The following AP1S1 variants were observed in gnomAD, a reference collection of about 807,000 sequenced individuals.
AP1S1 encodes the protein AP-1 complex subunit sigma-1A.
A neutral mutation model predicts 23.9 loss-of-function variants in AP1S1; 13 were observed. That is an observed-to-expected ratio of 0.54 (90% CI 0.35 to 0.86). AP1S1 has a LOEUF of 0.86. Ranked by LOEUF, AP1S1 falls within the 40% of genes least tolerant of loss-of-function variation. The probability of loss-of-function intolerance (pLI) is 0.01; values close to 1 mark genes in which losing one functional copy is unlikely to be tolerated. For missense variants in AP1S1, 119 were observed against 197.6 expected (o/e 0.60, Z 2.38); for synonymous variants, 84 against 77.7 (o/e 1.08, Z -0.43).
At chr7:101,157,181 G>GA (rs1797005938) in intron 2 of AP1S1, among the ~76,000 whole-genome samples, 196 bp from the exon 3 acceptor site, 2 of 152,152 alleles carry the variant, frequency 1.3e-5, no homozygotes, top group Admixed American at 6.5e-5. Flanking sequence ...GGGCAGGAAG[G>GA]AAAAAGCATG....
At chr7:101,158,932 A>G in intron 3 of AP1S1, 127 bp from the exon 4 acceptor site, 1 of 1,293,222 alleles carries the variant, frequency 7.7e-7, no homozygotes, top group Non-Finnish European at 1.0e-6. Flanking sequence ...AAAAAAACTG[A>G]AAAAGCTGAC....
intron 1 of AP1S1, among the ~76,000 whole-genome samples, chr7:101,156,119 C>T (rs919270613): frequency 1.3e-5 from 2 of 152,142 alleles, no homozygotes; most frequent in African/African-American, 4.8e-5. Flanking sequence ...GTAATCCCAG[C>T]TACTCAGGAG....
Position 101,156,690 on chromosome 7 carries a change from G to A in AP1S1, c.100G>A (p.Glu34Lys), listed in dbSNP as rs1421263277. Reference sequence around the variant, plus strand: ...CAAGGAACGGAAGAAGATGGTGCGCGAGCTCATGCAGGTTGTCCTGGCTCG... The same window carrying A: ...CAAGGAACGGAAGAAGATGGTGCGCAAGCTCATGCAGGTTGTCCTGGCTCG... ...SDKERKKMVR[E>K]LMQVVLARKP... Residue 34 changes from glutamate to lysine, a missense_variant, in exon 2 of 5, where the codon GAG becomes AAG. Transcript: ENST00000337619. 3 of 1,610,032 alleles carry A rather than the reference G, an allele frequency of 1.9e-6. No homozygotes were observed. Among genetic ancestry groups the A allele is most frequent in the East Asian group, 2.2e-5 (1 of 44,758 alleles).
chr7:101,160,010 G>A lies in AP1S1; in HGVS notation c.430-509G>A, dbSNP rs186127993. On this transcript the variant is annotated intron_variant, in intron 4 of 4. Coordinates refer to ENST00000337619, the MANE Select transcript of AP1S1 (RefSeq NM_001283.5). ...CGCACACACACACACACACACACAT[G>A]CCCTGGCACACACACCCATCGTGTC... Among the ~76,000 whole-genome samples the A allele has an allele frequency of 1.2e-4, 17 of 143,996 alleles. No individual in the cohort carries two copies. In the East Asian group the frequency reaches 3.6e-3, roughly 31 times the overall value. The allele number at this position is 143,996 out of a possible 152,430, so 94.5% of individuals were successfully genotyped here.
At position 101,157,445 on chromosome 7, in the gene AP1S1, TC is replaced by T; in HGVS notation, c.253del (p.His85ThrfsTer7). Reference protein sequence around the residue: ...QDNELITLELIHRYVELLDKY... With the variant: ...QDNELITLELXHRYVELLDKY... ...AATGAGCTCATCACACTGGAGCTGATCCACCGATACGTGGAGCTCTTAGACA... is the reference window on the plus strand; with the variant it reads ...AATGAGCTCATCACACTGGAGCTGATCACCGATACGTGGAGCTCTTAGACA... On this transcript the variant is annotated frameshift_variant, in exon 3 of 5. Transcript: ENST00000337619. LOFTEE classifies it high-confidence loss of function. 1 of 1,576,892 alleles carries T rather than the reference TC, an allele frequency of 6.3e-7. No homozygotes were observed.
intron 4 of AP1S1, among the ~76,000 whole-genome samples, chr7:101,160,189 ACCT>A (rs1386118873): frequency 1.3e-5 from 2 of 149,582 alleles, no homozygotes; most frequent in Non-Finnish European, 3.0e-5. Flanking sequence ...AAGATCCCCC[ACCT>A]CCTTGTCCCG....
At position 101,154,523 on chromosome 7, in the gene AP1S1, C is replaced by G; in HGVS notation, c.3+6C>G. 1.9e-6 allele frequency: 3 copies of G among 1,569,222 alleles called. No individual in the cohort carries two copies. The highest frequency in any genetic ancestry group is 1.2e-5 in the South Asian group (1 of 85,302). On this transcript the variant is annotated splice_donor_region_variant and intron_variant, in intron 1 of 4. Coordinates refer to ENST00000337619, the MANE Select transcript of AP1S1 (RefSeq NM_001283.5). ...GAGCCGGAGGCTGCAGGATGGTAGG[C>G]TGTGCGAAGAGGGAGGGGAGGGGGA...
In AP1S1 at chr7:101,160,955, A is replaced by AAACT. The variant is rs1562866035; in HGVS notation, c.*390_*391insACTA. Reference sequence around the variant, plus strand: ...GCACTTCTTGTCCTCTCTGTCCCATAACCTACCTCCACCCTCCCCCTAGCC... The same window carrying AAACT: ...GCACTTCTTGTCCTCTCTGTCCCATAAACTACCTACCTCCACCCTCCCCCTAGCC... On this transcript the variant is annotated 3_prime_UTR_variant, in exon 5 of 5. Coordinates refer to ENST00000337619, the MANE Select transcript of AP1S1 (RefSeq NM_001283.5). 3.1e-5 allele frequency: 10 copies of AAACT among 322,256 alleles called. No homozygotes were observed. Among genetic ancestry groups the AAACT allele is most frequent in the Middle Eastern group, 8.3e-4 (1 of 1,204 alleles). The allele number at this position is 322,256 out of a possible 1,614,324, so 20.0% of individuals were successfully genotyped here.
At chr7:101,157,527 C>T (rs201056726) in intron 3 of AP1S1, 42 bp downstream of exon 3, 58 of 1,483,618 alleles carry the variant, frequency 3.9e-5, no homozygotes, top group Non-Finnish European at 5.2e-5. Context: ...CCAGCAATCC[C>T]CTTTGGTAAT....
chr7:101,157,086 A>G (rs1314629289), intron 2 of AP1S1, among the ~76,000 whole-genome samples: 2 of 152,040 alleles, frequency 1.3e-5, no homozygotes, highest in African/African-American at 4.8e-5. Context: ...ACACACGCAC[A>G]CACACACCCT....
At chr7:101,155,949 G>A (rs1007434376) in intron 1 of AP1S1, among the ~76,000 whole-genome samples, 7 of 152,136 alleles carry the variant, frequency 4.6e-5, no homozygotes, top group African/African-American at 1.7e-4. Flanking sequence ...AATAACTAAC[G>A]GCCGGGCGCA....
chr7:101,154,846 T>C, intron 1 of AP1S1: 1 of 817,134 alleles, frequency 1.2e-6, no homozygotes, highest in Non-Finnish European at 1.7e-6. Flanking sequence ...AGCAGAGGGT[T>C]GCGGGAGTCT....
intron 1 of AP1S1, chr7:101,155,003 C>G: frequency 1.0e-6 from 1 of 993,992 alleles, no homozygotes; most frequent in Non-Finnish European, 1.2e-6. Flanking sequence ...CGTTCGTGGC[C>G]GTGCTTGCCT....
rs1160088383 is a variant in AP1S1, at chr7:101,160,575, G to A, written c.*9G>A. 6.2e-7 allele frequency: 1 copy of A among 1,610,886 alleles called. No individual in the cohort carries two copies. The highest frequency in any genetic ancestry group is 8.5e-7 in the Non-Finnish European group (1 of 1,179,812). On this transcript the variant is annotated 3_prime_UTR_variant, in exon 5 of 5. Transcript: ENST00000337619. Reference sequence around the variant, plus strand: ...AGATGGGTTTGGCATAGCCCCTGCTGGGCCGGGGTGTGGCGATGGGGTCCT... The same window carrying A: ...AGATGGGTTTGGCATAGCCCCTGCTAGGCCGGGGTGTGGCGATGGGGTCCT...
At position 101,157,455 on chromosome 7, in the gene AP1S1, C is replaced by T. The variant is rs780629485; in HGVS notation, c.261C>T (p.Tyr87=). ...ELITLELIHR[Y]VELLDKYFGS... ...TCACACTGGAGCTGATCCACCGATA[C>T]GTGGAGCTCTTAGACAAATACTTTG... The change falls in exon 3 of 5, where the codon TAC becomes TAT. Residue 87 remains tyrosine (Y), a synonymous_variant. Coordinates refer to ENST00000337619, the MANE Select transcript of AP1S1 (RefSeq NM_001283.5). 1.9e-5 allele frequency: 30 copies of T among 1,570,702 alleles called. No individual in the cohort carries two copies. The highest frequency in any genetic ancestry group is 1.7e-4 in the Middle Eastern group (1 of 6,038).
chr7:101,160,731 C>A lies in AP1S1; in HGVS notation c.*165C>A, dbSNP rs754753301. ...CTCAGGCCCTTCAAACATTCCCTCC[C>A]TCCACCCCCTACCTCCACTTTCCCC... On this transcript the variant is annotated 3_prime_UTR_variant, in exon 5 of 5. Coordinates refer to ENST00000337619, the MANE Select transcript of AP1S1 (RefSeq NM_001283.5). 1 of 809,084 alleles carries A rather than the reference C, an allele frequency of 1.2e-6. No homozygotes were observed. 50.1% of individuals were successfully genotyped at this position (809,084 alleles called of 1,614,324 possible).
intron 1 of AP1S1, among the ~76,000 whole-genome samples, chr7:101,156,063 C>T (rs959123439): frequency 1.3e-5 from 2 of 152,102 alleles, no homozygotes; most frequent in African/African-American, 4.8e-5. Context: ...GAAACCACAT[C>T]TCTACTAAAA....
At chr7:101,158,092 A>G (rs951376235) in intron 3 of AP1S1, among the ~76,000 whole-genome samples, 6 of 152,062 alleles carry the variant, frequency 3.9e-5, no homozygotes, top group East Asian at 1.9e-4. Context: ...ACCCAGCCCC[A>G]TATTCAGATT....
At chr7:101,160,006 A>ACC (rs1554366329) in intron 4 of AP1S1, among the ~76,000 whole-genome samples, 9 of 147,422 alleles carry the variant, frequency 6.1e-5, no homozygotes, top group Non-Finnish European at 1.2e-4. Flanking sequence ...ACACACACAC[A>ACC]CATGCCCTGG....
Sources: allele counts gnomAD v4.1 joint callset (sites outside exome capture counted in the v4.1 genomes callset), GRCh38; gene constraint gnomAD v4.1.1; transcripts MANE v1.5; gene names NCBI Gene and HGNC (gene_info 2026-07-23, HGNC 2026-07-21).